The following USP32 variants were observed in gnomAD, a reference collection of about 807,000 sequenced individuals.
USP32 encodes the protein ubiquitin carboxyl-terminal hydrolase 32.
USP32 carries 59 observed loss-of-function variants against 204.8 expected under a neutral mutation model. The observed-to-expected ratio is 0.29, with a 90% CI of 0.23 to 0.36. The LOEUF is 0.36. Ranked by LOEUF, USP32 falls within the 10% of genes least tolerant of loss-of-function variation. The pLI, the probability that USP32 is intolerant of heterozygous loss-of-function variation, is 1.00. For synonymous variants in USP32, 517 were observed against 678.4 expected, an observed-to-expected ratio of 0.76 and a Z score of 3.70; for missense variants, 1,160 against 1,946.4, an observed-to-expected ratio of 0.60 and a Z score of 7.60.
intron 11 of USP32, among the ~76,000 whole-genome samples, chr17:60,239,381 A>T (rs1342292567): frequency 6.6e-6 from 1 of 152,196 alleles, no homozygotes; most frequent in African/African-American, 2.4e-5. Context: ...ACGTCTTAAG[A>T]AGTTTAGGAC....
chr17:60,366,414 C>T (rs1480969401), intron 1 of USP32, among the ~76,000 whole-genome samples: 1 of 152,114 alleles, frequency 6.6e-6, no homozygotes, highest in Non-Finnish European at 1.5e-5. Context: ...GCCTCGGCCT[C>T]CCAAAGTGCT....
At chr17:60,275,972 CTG>C (rs1335305937) in intron 5 of USP32, among the ~76,000 whole-genome samples, 1 of 151,846 alleles carries the variant, frequency 6.6e-6, no homozygotes, top group Non-Finnish European at 1.5e-5. Context: ...GGAATATACA[CTG>C]TGTCATATAG....
At chr17:60,316,226 CTATGA>C in intron 2 of USP32, 1 of 186,540 alleles carries the variant, frequency 5.4e-6, no homozygotes, top group Non-Finnish European at 1.1e-5. Context: ...TAAGAATATG[CTATGA>C]TGAGTAACAT....
intron 1 of USP32, among the ~76,000 whole-genome samples, chr17:60,357,738 G>A (rs1030812571): frequency 1.3e-5 from 2 of 151,934 alleles, no homozygotes; most frequent in African/African-American, 2.4e-5. Flanking sequence ...CAGCAGTGAA[G>A]AGTATTCATA....
At chr17:60,222,713 G>C (rs900065965) in intron 14 of USP32, among the ~76,000 whole-genome samples, 164 bp from the exon 15 acceptor site, 2 of 115,522 alleles carry the variant, frequency 1.7e-5, no homozygotes, top group African/African-American at 3.5e-5. Flanking sequence ...ACGGGGTCTT[G>C]TTCCGTCACC....
At chr17:60,181,186 CTG>C in intron 32 of USP32, 136 bp downstream of exon 32, 10 of 1,178,312 alleles carry the variant, frequency 8.5e-6, no homozygotes, top group African/African-American at 3.1e-5. Flanking sequence ...GCCAAGATTT[CTG>C]TGTTAACTTT....
intron 1 of USP32, among the ~76,000 whole-genome samples, chr17:60,362,064 A>G (rs561219262): frequency 2.0e-5 from 3 of 152,302 alleles, no homozygotes; most frequent in East Asian, 1.9e-4. Flanking sequence ...TGGTGGCTCC[A>G]TATCTTTACT....
At chr17:60,415,795 C>T (rs1242162701) in intron 1 of USP32, among the ~76,000 whole-genome samples, 2 of 152,040 alleles carry the variant, frequency 1.3e-5, no homozygotes, top group East Asian at 1.9e-4. Flanking sequence ...GAACAAAAAT[C>T]CTCTTTTGGT....
chr17:60,300,285 T>C (rs185562522), intron 3 of USP32, among the ~76,000 whole-genome samples: 1 of 151,976 alleles, frequency 6.6e-6, no homozygotes, highest in Non-Finnish European at 1.5e-5. Context: ...CTTTGGGGAG[T>C]TCAAAGAAAA....
At chr17:60,231,521 T>C in intron 12 of USP32, 1 of 512,536 alleles carries the variant, frequency 2.0e-6, no homozygotes, top group South Asian at 1.4e-5. Flanking sequence ...ACTACACATG[T>C]CTGAGGCAGG....
In USP32 at chr17:60,179,226, C is replaced by T; in HGVS notation, c.*29G>A. On this transcript the variant is annotated 3_prime_UTR_variant, in exon 34 of 34. Transcript: ENST00000300896. ...TACAAGGAGTCATCTCCCTCACCGC[C>T]AAGCTGTCTAGCAGCCAGAGTGGTA... The T allele has an allele frequency of 6.2e-7, 1 of 1,600,794 alleles. No individual in the cohort carries two copies. The highest frequency in any genetic ancestry group is 8.5e-7 in the Non-Finnish European group (1 of 1,170,698).
chr17:60,332,373 C>T (rs554327517), intron 2 of USP32, among the ~76,000 whole-genome samples: 47 of 152,188 alleles, frequency 3.1e-4, no homozygotes, highest in Middle Eastern at 6.8e-3. Context: ...CTGGGCCGGA[C>T]GCGGTGGCTC....
Position 60,265,368 on chromosome 17 carries a change from A to G in USP32, c.990+44T>C, listed in dbSNP as rs552983077. On this transcript the variant is annotated intron_variant, in intron 9 of 33. Coordinates refer to ENST00000300896, the MANE Select transcript of USP32 (RefSeq NM_032582.4). ...AAGCGATACATCCCAAATGGAGTACATGATATTTTTAGAAAAAGATAAATT... is the reference window on the plus strand; with the variant it reads ...AAGCGATACATCCCAAATGGAGTACGTGATATTTTTAGAAAAAGATAAATT... 5.3e-5 allele frequency: 71 copies of G among 1,343,734 alleles called. No individual in the cohort carries two copies. In the South Asian group the frequency reaches 7.0e-4, roughly 13 times the overall value. 83.2% of individuals were successfully genotyped at this position (1,343,734 alleles called of 1,614,324 possible). A position where few individuals can be genotyped will look rare whatever the true frequency, so the allele number is the denominator to read the frequency against.
intron 1 of USP32, among the ~76,000 whole-genome samples, chr17:60,384,489 A>C (rs1050244752): frequency 1.3e-5 from 2 of 152,194 alleles, no homozygotes; most frequent in African/African-American, 4.8e-5. Flanking sequence ...TATTCACAAG[A>C]TAGTGATGAG....
rs2088763229 is a variant in USP32 at position 60,345,468 on chromosome 17, A to C, written c.186+13T>G. The stretch of plus-strand genomic sequence containing the variant: ...TAACTACCTCAAAGGAAAACTTAGA[A>C]CAAAAAGATTACCTCAGCAACCTTT... On this transcript the variant is annotated intron_variant, in intron 2 of 33. Transcript: ENST00000300896. 1 of 1,613,008 alleles carries C rather than the reference A, an allele frequency of 6.2e-7. No individual in the cohort carries two copies. The highest frequency in any genetic ancestry group is 8.5e-7 in the Non-Finnish European group (1 of 1,179,642).
At chr17:60,213,922 T>C (rs2145522839) in intron 17 of USP32, among the ~76,000 whole-genome samples, 1 of 152,104 alleles carries the variant, frequency 6.6e-6, no homozygotes, top group South Asian at 2.1e-4. Context: ...GGTGTTTGGT[T>C]ACATGAATAC....
At chr17:60,222,379 C>T in intron 15 of USP32, 30 bp downstream of exon 15, 4 of 1,599,980 alleles carry the variant, frequency 2.5e-6, no homozygotes, top group Non-Finnish European at 3.4e-6. Flanking sequence ...ATGACTGCTC[C>T]TTATATAAGG....
intron 26 of USP32, among the ~76,000 whole-genome samples, chr17:60,199,970 C>T (rs912629436): frequency 1.2e-4 from 18 of 151,844 alleles, no homozygotes; most frequent in Non-Finnish European, 2.4e-4. Context: ...CCGAGGCGGG[C>T]GGATCATGAG....
intron 11 of USP32, among the ~76,000 whole-genome samples, chr17:60,237,666 G>A (rs1380719520): frequency 2.6e-5 from 4 of 152,174 alleles, no homozygotes; most frequent in African/African-American, 9.7e-5. Context: ...GATATTTCAT[G>A]TAAATGGGAT....
Sources: gnomAD v4.1 joint callset for allele counts (sites outside exome capture counted in the v4.1 genomes callset) on GRCh38, gnomAD v4.1.1 for gene constraint, MANE v1.5 for transcripts, NCBI Gene and HGNC (gene_info 2026-07-23, HGNC 2026-07-21) for gene names.